Variants in CELSR3 observed in about 807,000 individuals in gnomAD.
The protein encoded by CELSR3 is cadherin EGF LAG seven-pass G-type receptor 3.
CELSR3 carries 73 observed loss-of-function variants against 270.0 expected under a neutral mutation model. The ratio of observed to expected loss-of-function variants is 0.27; its 90% confidence interval spans 0.22 to 0.33. The LOEUF is 0.33. Ranked by LOEUF, CELSR3 falls within the 10% of genes least tolerant of loss-of-function variation. CELSR3 has a pLI of 1.00. For synonymous variants in CELSR3, 1,780 were observed against 1,905.4 expected, an observed-to-expected ratio of 0.93 and a Z score of 1.71; for missense variants, 3,614 against 4,533.8, an observed-to-expected ratio of 0.80 and a Z score of 5.83.
rs1398806047 is a variant in CELSR3 at position 48,648,788 on chromosome 3, G to C, written c.6708C>G (p.His2236Gln). 6.2e-7 allele frequency: 1 copy of C among 1,612,882 alleles called. No homozygotes were observed. Among genetic ancestry groups the C allele is most frequent in the Non-Finnish European group, 8.5e-7 (1 of 1,179,998 alleles). Residue 2236 changes from histidine (H) to glutamine (Q), a missense_variant, in exon 18 of 35, where the codon CAC becomes CAG. Coordinates refer to ENST00000164024, the MANE Select transcript of CELSR3 (RefSeq NM_001407.3). ...DVRVTARLLA[H>Q]LLAFESHQQG... The stretch of plus-strand genomic sequence containing the variant: ...GCTGATGGCTCTCGAAGGCCAGCAG[G>C]TGGGCCAGCAGGCGGGCAGTGACTC...
In CELSR3 at chr3:48,645,466, C is replaced by T; in HGVS notation, c.7774G>A (p.Gly2592Arg). The T allele has an allele frequency of 1.2e-6, 2 of 1,612,896 alleles. No individual in the cohort carries two copies. Among genetic ancestry groups the T allele is most frequent in the South Asian group, 2.2e-5 (2 of 91,088 alleles). The change falls in exon 24 of 35, where the codon GGG becomes AGG. Residue 2592 changes from glycine (G) to arginine (R), a missense_variant. Around this residue, in one of 7 missense-constraint regions of CELSR3, gnomAD observed 1,240 missense variants for 1,351.7 expected, o/e 0.92. Coordinates refer to ENST00000164024, the MANE Select transcript of CELSR3 (RefSeq NM_001407.3). The surrounding 1 kb of genome is among the most constrained non-coding windows in gnomAD (Gnocchi z 5.4). ...ACCTGATTGTGGGTCCTGTGAATCC[C>T]CAGCAGGAAGAGGAGCTCTGCCACC... ...LGVAELLFLL[G>R]IHRTHNQLVC...
Position 48,646,943 on chromosome 3 carries a change from G to A in CELSR3, c.7130-15C>T. The A allele has an allele frequency of 6.6e-7, 1 of 1,508,742 alleles. No individual in the cohort carries two copies. The highest frequency in any genetic ancestry group is 8.8e-7 in the Non-Finnish European group (1 of 1,132,290). 93.5% of individuals were successfully genotyped at this position (1,508,742 alleles called of 1,614,324 possible). On this transcript the variant is annotated splice_polypyrimidine_tract_variant and intron_variant, in intron 20 of 34. Transcript: ENST00000164024. This position sits in a 1 kb window ranked among gnomAD's most constrained non-coding sequence, Gnocchi z 4.8. Reference sequence around the variant, plus strand: ...TGTGGGCAGAACTGCCAGGAGAGAAGGAGGAGCTTCTGTCAGTGACCTTTG... The same window carrying A: ...TGTGGGCAGAACTGCCAGGAGAGAAAGAGGAGCTTCTGTCAGTGACCTTTG...
At position 48,661,863 on chromosome 3, in the gene CELSR3, A is replaced by G. The variant is rs2077069128; in HGVS notation, c.772T>C (p.Ser258Pro). 1.2e-6 allele frequency: 2 copies of G among 1,610,782 alleles called. No homozygotes were observed. The highest frequency in any genetic ancestry group is 3.3e-5 in the Admixed American group (2 of 59,928). Residue 258 changes from serine to proline, a missense_variant, in exon 1 of 35, where the codon TCA (serine) becomes CCA (proline). Transcript: ENST00000164024. ...APRTARTAPA[S>P]GSAPRESRTA... ...CGAGACTCGCGGGGTGCTGAACCTG[A>G]TGCAGGAGCTGTCCTCGCCGTGCGT...
chr3:48,652,655 C>T lies in CELSR3; in HGVS notation c.5635-102G>A, dbSNP rs1431284318. On this transcript the variant is annotated intron_variant, in intron 10 of 34. Transcript: ENST00000164024. This position sits in a 1 kb window ranked among gnomAD's most constrained non-coding sequence, Gnocchi z 4.3. ...CCTTCTTCTAGCCCTTCTAGGCTGCCCCCTCCCTCCTGGACCCACAGTAGA... is the reference window on the plus strand; with the variant it reads ...CCTTCTTCTAGCCCTTCTAGGCTGCTCCCTCCCTCCTGGACCCACAGTAGA... 6 of 872,114 alleles carry T rather than the reference C, an allele frequency of 6.9e-6. No homozygotes were observed. In the East Asian group the frequency reaches 1.6e-4, roughly 23 times the overall value. 54.0% of individuals were successfully genotyped at this position (872,114 alleles called of 1,614,324 possible).
rs538093727 is a variant in CELSR3 at position 48,658,831 on chromosome 3, C to T, written c.3748+56G>A. ...TTGGTTTGAGGTGCCCTGTGGAGTC[C>T]CTGAGGCCCAACAGGTTGGTGTCAC... On this transcript the variant is annotated intron_variant, in intron 1 of 34. Transcript: ENST00000164024. The surrounding 1 kb of genome is among the most constrained non-coding windows in gnomAD (Gnocchi z 4.7). 1 of 1,582,070 alleles carries T rather than the reference C, an allele frequency of 6.3e-7. No individual in the cohort carries two copies. The highest frequency in any genetic ancestry group is 1.2e-5 in the South Asian group (1 of 84,936).
chr3:48,646,299 C>T lies in CELSR3; in HGVS notation c.7296-42G>A. ...CTGGGCTTACGCACTGCTGACCTCC[C>T]CATGCTCAGCCTGCTTGCCTCACCC... On this transcript the variant is annotated intron_variant, in intron 21 of 34. Transcript: ENST00000164024. This position sits in a 1 kb window ranked among gnomAD's most constrained non-coding sequence, Gnocchi z 4.8. 6.4e-7 allele frequency: 1 copy of T among 1,567,354 alleles called. No homozygotes were observed. Among genetic ancestry groups the T allele is most frequent in the East Asian group, 2.3e-5 (1 of 43,988 alleles).
Position 48,639,797 on chromosome 3 carries a change from G to C in CELSR3, c.9788C>G (p.Ser3263Cys). The change falls in exon 34 of 35, where the codon TCT becomes TGT. Residue 3263 changes from serine (S) to cysteine (C), a missense_variant. Ser to Cys is a moderately radical substitution (Grantham distance 112). Around this residue, in one of 7 missense-constraint regions of CELSR3, gnomAD observed 1,240 missense variants for 1,351.7 expected, o/e 0.92. Coordinates refer to ENST00000164024, the MANE Select transcript of CELSR3 (RefSeq NM_001407.3). The surrounding 1 kb of genome is among the most constrained non-coding windows in gnomAD (Gnocchi z 4.1). ...GTGAGGGCCCAAGGGTGTGCTTGAAGATTGCACAGAGGAGAGGGCCGAGGA... is the reference window on the plus strand; with the variant it reads ...GTGAGGGCCCAAGGGTGTGCTTGAACATTGCACAGAGGAGAGGGCCGAGGA... ...FNSSALSSVQ[S>C]SSTPLGPHTT... 1 of 1,613,908 alleles carries C rather than the reference G, an allele frequency of 6.2e-7. No individual in the cohort carries two copies. Among genetic ancestry groups the C allele is most frequent in the Non-Finnish European group, 8.5e-7 (1 of 1,180,000 alleles).
rs375977517 is a variant in CELSR3, at chr3:48,639,641, G to A, written c.9911+33C>T. On this transcript the variant is annotated intron_variant, in intron 34 of 34. Transcript: ENST00000164024. This position sits in a 1 kb window ranked among gnomAD's most constrained non-coding sequence, Gnocchi z 4.1. ...ACACAGGAGGTTGCCCTAAGCTGAT[G>A]AGGGTGCAAGCAGGTGGCTGGACCA... The A allele has an allele frequency of 5.6e-6, 9 of 1,608,720 alleles. No individual in the cohort carries two copies. The African/African-American group carries it at 6.7e-5, about 12-fold the overall frequency.
Position 48,659,592 on chromosome 3 carries a change from T to C in CELSR3, c.3043A>G (p.Thr1015Ala). The C allele has an allele frequency of 1.2e-6, 2 of 1,614,116 alleles. No individual in the cohort carries two copies. Among genetic ancestry groups the C allele is most frequent in the Non-Finnish European group, 1.7e-6 (2 of 1,180,020 alleles). The change falls in exon 1 of 35, where the codon ACC becomes GCC. Residue 1015 changes from threonine to alanine, a missense_variant. By Grantham distance (58) the Thr-to-Ala change is moderately conservative (BLOSUM62 0). This residue lies in a region of CELSR3 where 1,331 missense variants were observed against 1,933.7 expected (regional missense o/e 0.69). Transcript: ENST00000164024. The surrounding 1 kb of genome is among the most constrained non-coding windows in gnomAD (Gnocchi z 8.1). ...CTTACTGTACGGACAATTCCAGAGG[T>C]GGGCTCAATGGTAAAATCTCCATCC... Reference protein sequence around the residue: ...DGDGDFTIEPTSGIVRTVRRL... With the variant: ...DGDGDFTIEPASGIVRTVRRL...
chr3:48,660,068 G>A lies in CELSR3; in HGVS notation c.2567C>T (p.Pro856Leu), dbSNP rs1174533090. 3.1e-6 allele frequency: 5 copies of A among 1,614,040 alleles called. No homozygotes were observed. The highest frequency in any genetic ancestry group is 1.1e-5 in the South Asian group (1 of 91,086). ...TGAGTAGTGGGCACTTTGAAAGACC[G>A]GCCGATGAGTGTTGGCATCTGTGAT... is the stretch of plus-strand genomic sequence containing the variant. ...INITDANTHR[P>L]VFQSAHYSVS... is the part of the protein sequence containing the mutation. Residue 856 changes from proline to leucine, a missense_variant, in exon 1 of 35, where the codon CCG (proline) becomes CTG (leucine). Physicochemically the swap from Pro to Leu is moderately conservative, Grantham distance 98 (BLOSUM62 -3). Coordinates refer to ENST00000164024, the MANE Select transcript of CELSR3 (RefSeq NM_001407.3). The surrounding 1 kb of genome is among the most constrained non-coding windows in gnomAD (Gnocchi z 5.5).
Position 48,650,433 on chromosome 3 carries a change from A to AGGGGGGGG in CELSR3, c.6472+46_6472+47insCCCCCCCC. The AGGGGGGGG allele has an allele frequency of 4.6e-5, 43 of 927,714 alleles. No homozygotes were observed. The highest frequency in any genetic ancestry group is 2.2e-4 in the Middle Eastern group (1 of 4,492). The allele number at this position is 927,714 out of a possible 1,614,324, so 57.5% of individuals were successfully genotyped here. Reference sequence around the variant, plus strand: ...GACATGGCTCTAGCAGTCAGAGTACAGGCCCACCCCCACCCTCAGTGATGT... The same window carrying AGGGGGGGG: ...GACATGGCTCTAGCAGTCAGAGTACAGGGGGGGGGGCCCACCCCCACCCTCAGTGATGT... On this transcript the variant is annotated intron_variant, in intron 16 of 34. Transcript: ENST00000164024. The surrounding 1 kb of genome is among the most constrained non-coding windows in gnomAD (Gnocchi z 5.1).
chr3:48,645,429 C>T lies in CELSR3; in HGVS notation c.7797+14G>A. On this transcript the variant is annotated intron_variant, in intron 24 of 34. Coordinates refer to ENST00000164024, the MANE Select transcript of CELSR3 (RefSeq NM_001407.3). This position sits in a 1 kb window ranked among gnomAD's most constrained non-coding sequence, Gnocchi z 5.4. ...GGTCATCAGGACACAAGTTCCCTGG[C>T]CCTGATCCTGCACCTGATTGTGGGT... 6.2e-7 allele frequency: 1 copy of T among 1,612,772 alleles called. No homozygotes were observed. The highest frequency in any genetic ancestry group is 1.1e-5 in the South Asian group (1 of 91,082).
rs373043451 is a variant in CELSR3 at position 48,650,707 on chromosome 3, TGACCTGTCA to T, written c.6371-135_6371-127del. On this transcript the variant is annotated intron_variant, in intron 15 of 34. Transcript: ENST00000164024. The surrounding 1 kb of genome is among the most constrained non-coding windows in gnomAD (Gnocchi z 5.1). ...CCACTCCTGCTGGCTTCTCAGGAGC[TGACCTGTCA>T]GATTCTGTGACAGGTCAGCAAAGTA... 1.8e-5 allele frequency: 18 copies of T among 1,027,368 alleles called. No individual in the cohort carries two copies. In the African/African-American group the frequency reaches 2.8e-4, roughly 16 times the overall value. The allele number at this position is 1,027,368 out of a possible 1,614,324, so 63.6% of individuals were successfully genotyped here.
Position 48,642,999 on chromosome 3 carries a change from C to T in CELSR3, c.8374G>A (p.Ala2792Thr). Residue 2792 changes from alanine (A) to threonine (T), a missense_variant, in exon 29 of 35, where the codon GCG becomes ACG. This residue lies in a region of CELSR3 where 1,240 missense variants were observed against 1,351.7 expected (regional missense o/e 0.92). Transcript: ENST00000164024. The surrounding 1 kb of genome is among the most constrained non-coding windows in gnomAD (Gnocchi z 6.1). ...WMPACLGRKA[A>T]PEEARPAPGL... ...GGTGCTGGCCTTGCCTCCTCAGGCG[C>T]TGCCTTCCTGCCCAGACAGGCTGGC... 1 of 1,612,766 alleles carries T rather than the reference C, an allele frequency of 6.2e-7. No homozygotes were observed. The highest frequency in any genetic ancestry group is 8.5e-7 in the Non-Finnish European group (1 of 1,179,842).
In CELSR3 at chr3:48,646,176, C is replaced by T. The variant is rs1285423195; in HGVS notation, c.7377G>A (p.Leu2459=). Residue 2459 remains leucine, a synonymous_variant, in exon 22 of 35, where the codon CTG becomes CTA. Coordinates refer to ENST00000164024, the MANE Select transcript of CELSR3 (RefSeq NM_001407.3). This position sits in a 1 kb window ranked among gnomAD's most constrained non-coding sequence, Gnocchi z 4.8. ...GAAACTCTAGGCTGATGGGGGACTC[C>T]AGGATTCCCCTTAGGAAGTTGCGTC... ...FHGRNFLRGI[L]ESPISLEFRL... The T allele has an allele frequency of 6.2e-7, 1 of 1,612,704 alleles. No individual in the cohort carries two copies. The highest frequency in any genetic ancestry group is 1.3e-5 in the African/African-American group (1 of 74,902).
Position 48,661,768 on chromosome 3 carries a change from C to T in CELSR3, c.867G>A (p.Gln289=), listed in dbSNP as rs746656473. The part of the protein sequence containing the change: ...RGLFRCRFLP[Q]RPGPRPPGLP... ...GTCCCGGGGGACGCGGCCCGGGGCGCTGCGGGAGGAAGCGGCAGCGGAAGA... is the reference window on the plus strand; with the variant it reads ...GTCCCGGGGGACGCGGCCCGGGGCGTTGCGGGAGGAAGCGGCAGCGGAAGA... Residue 289 remains glutamine, a synonymous_variant, in exon 1 of 35, where the codon CAG becomes CAA. Coordinates refer to ENST00000164024, the MANE Select transcript of CELSR3 (RefSeq NM_001407.3). 1 of 1,598,612 alleles carries T rather than the reference C, an allele frequency of 6.3e-7. No homozygotes were observed. The highest frequency in any genetic ancestry group is 1.1e-5 in the South Asian group (1 of 89,386).
chr3:48,643,561 C>A lies in CELSR3; in HGVS notation c.8282G>T (p.Gly2761Val). The change falls in exon 28 of 35, where the codon GGC becomes GTC. Residue 2761 changes from glycine (G) to valine (V), a missense_variant. By Grantham distance (109) the Gly-to-Val change is moderately radical. Coordinates refer to ENST00000164024, the MANE Select transcript of CELSR3 (RefSeq NM_001407.3). ...AFHYLHAGLCGLQGLAVLLLF... is the reference protein window; with the variant it reads ...AFHYLHAGLCVLQGLAVLLLF... ...GAGGGGCACCAGAGTCACCTGGAGG[C>A]CGCAGAGTCCAGCATGGAGGTAGTG... is the stretch of plus-strand genomic sequence containing the variant. The A allele has an allele frequency of 1.3e-6, 2 of 1,550,230 alleles. No homozygotes were observed. Among genetic ancestry groups the A allele is most frequent in the Non-Finnish European group, 1.7e-6 (2 of 1,146,576 alleles).
At chr3:48,649,084 G>T in intron 17 of CELSR3, 37 bp downstream of exon 17, 1 of 1,588,102 alleles carries the variant, frequency 6.3e-7, no homozygotes, top group Non-Finnish European at 8.6e-7. Flanking sequence ...GGCCAAGGAA[G>T]GTCTTAGGTT....
In CELSR3 at chr3:48,661,893, C is replaced by CTGAA; in HGVS notation, c.738_741dup (p.Ala248PhefsTer57). 1 of 1,611,834 alleles carries CTGAA rather than the reference C, an allele frequency of 6.2e-7. No homozygotes were observed. The highest frequency in any genetic ancestry group is 1.3e-5 in the African/African-American group (1 of 75,068). The stretch of plus-strand genomic sequence containing the variant: ...GGAGCTGTCCTCGCCGTGCGTGGTG[C>CTGAA]TGAATCCAGCTCGGGGCCAGATCCC... On this transcript the variant is annotated frameshift_variant, in exon 1 of 35. Transcript: ENST00000164024. LOFTEE classifies it high-confidence loss of function.
Sources: allele counts gnomAD v4.1 joint callset, GRCh38; gene constraint gnomAD v4.1.1; regional missense constraint gnomAD v4.1.1; non-coding constraint Gnocchi (gnomAD v3.1); transcripts MANE v1.5; gene names NCBI Gene and HGNC (gene_info 2026-07-23, HGNC 2026-07-21).